Variants in MDH2 observed in about 807,000 individuals in gnomAD.
MDH2 encodes the protein malate dehydrogenase 2.
In MDH2, 25 loss-of-function variants were observed where a neutral mutation model predicts 33.6. The ratio of observed to expected loss-of-function variants is 0.74; its 90% CI spans 0.54 to 1.04. The LOEUF (loss-of-function observed/expected upper bound fraction) is 1.04, where lower values mean the gene tolerates loss of function less well. Among genes scored for constraint, MDH2 ranks in the 50% least tolerant of loss-of-function variants. The probability of loss-of-function intolerance (pLI) is 0.00; values close to 1 mark genes in which losing one functional copy is unlikely to be tolerated. For synonymous variants in MDH2, 193 were observed against 188.7 expected, an observed-to-expected ratio of 1.02 and a Z score of -0.19; for missense variants, 432 against 445.0, an observed-to-expected ratio of 0.97 and a Z score of 0.26.
At chr7:76,054,732 G>A in intron 1 of MDH2, 98 bp from the exon 2 acceptor site, 1 of 1,352,888 alleles carries the variant, frequency 7.4e-7, no homozygotes, top group South Asian at 1.2e-5. Context: ...TTTGGCAACT[G>A]CAGTAAAAAG....
intron 4 of MDH2, among the ~76,000 whole-genome samples, chr7:76,058,857 G>A (rs1054791242): frequency 2.0e-5 from 3 of 152,234 alleles, no homozygotes; most frequent in Non-Finnish European, 4.4e-5. Context: ...ACTCAGGCAG[G>A]TGGTGTAGAC....
Position 76,058,752 on chromosome 7 carries a change from G to A in MDH2, c.429+674G>A, listed in dbSNP as rs191240614. 1.9e-4 allele frequency among the ~76,000 whole-genome samples: 29 copies of A among 152,230 alleles called. No individual in the cohort carries two copies. The South Asian group carries it at 3.7e-3, about 20-fold the overall frequency. ...AAATTGCCAGCATCACTACTCTTGC[G>A]CTTTGGGGCCATTGTAAAGTAAAAT... On this transcript the variant is annotated intron_variant, in intron 4 of 8. Coordinates refer to ENST00000315758, the MANE Select transcript of MDH2 (RefSeq NM_005918.4).
At chr7:76,061,083 C>T (rs1000734070) in intron 5 of MDH2, among the ~76,000 whole-genome samples, 2 of 152,088 alleles carry the variant, frequency 1.3e-5, no homozygotes, top group Non-Finnish European at 2.9e-5. Flanking sequence ...GGCTTGAGCT[C>T]GGCTTGGTTT....
chr7:76,055,595 G>A (rs1554586153), intron 2 of MDH2, among the ~76,000 whole-genome samples: 1 of 151,696 alleles, frequency 6.6e-6, no homozygotes, highest in Admixed American at 6.6e-5. Context: ...AAATTAGCTG[G>A]GCGTGATAGT....
intron 1 of MDH2, chr7:76,049,159 G>GA (rs1235149173): frequency 2.1e-6 from 2 of 946,830 alleles, no homozygotes; most frequent in African/African-American, 3.6e-5. Context: ...CAGTTCATTT[G>GA]AAAAATAAAT....
chr7:76,048,712 T>G, intron 1 of MDH2: 2 of 1,237,462 alleles, frequency 1.6e-6, no homozygotes, highest in African/African-American at 1.5e-5. Flanking sequence ...TTACAGTCAT[T>G]TGGCCAGAGG....
Position 76,060,416 on chromosome 7 carries a change from A to G in MDH2, c.473A>G (p.His158Arg), listed in dbSNP as rs1797912410. Reference sequence around the variant, plus strand: ...ATCACAGCAGAAGTTTTCAAGAAGCATGGAGTGTACAACCCCAACAAAATC... The same window carrying G: ...ATCACAGCAGAAGTTTTCAAGAAGCGTGGAGTGTACAACCCCAACAAAATC... ...IPITAEVFKK[H>R]GVYNPNKIFG... The change falls in exon 5 of 9, where the codon CAT becomes CGT. Residue 158 changes from histidine (H) to arginine (R), a missense_variant. Coordinates refer to ENST00000315758, the MANE Select transcript of MDH2 (RefSeq NM_005918.4). The G allele has an allele frequency of 1.2e-6, 2 of 1,614,164 alleles. No individual in the cohort carries two copies. Among genetic ancestry groups the G allele is most frequent in the South Asian group, 1.1e-5 (1 of 91,084 alleles).
intron 5 of MDH2, among the ~76,000 whole-genome samples, chr7:76,061,815 C>T (rs1554587063): frequency 6.6e-6 from 1 of 152,154 alleles, no homozygotes; most frequent in African/African-American, 2.4e-5. Context: ...CGTGGGCTCT[C>T]AGGGCTGGGC....
rs1554587280 is a variant in MDH2 at position 76,063,454 on chromosome 7, G to A, written c.556-61G>A. 3.3e-6 allele frequency: 5 copies of A among 1,529,848 alleles called. No individual in the cohort carries two copies. In the East Asian group the frequency reaches 6.8e-5, roughly 21 times the overall value. 94.8% of individuals were successfully genotyped at this position (1,529,848 alleles called of 1,614,324 possible). On this transcript the variant is annotated intron_variant, in intron 5 of 8. Coordinates refer to ENST00000315758, the MANE Select transcript of MDH2 (RefSeq NM_005918.4). ...TCCAGTGTTGGGGCTGTGGGCAGCT[G>A]TGACATGTTTTACAGTGAAAGAGCT... is the stretch of plus-strand genomic sequence containing the variant.
intron 1 of MDH2, chr7:76,049,159 G>A: frequency 1.1e-6 from 1 of 946,942 alleles, no homozygotes; most frequent in Non-Finnish European, 1.3e-6. Context: ...CAGTTCATTT[G>A]AAAAATAAAT....
rs961791056 is a variant in MDH2, at chr7:76,048,113, C to T, written c.-48C>T. 1.7e-5 allele frequency: 26 copies of T among 1,536,364 alleles called. No individual in the cohort carries two copies. The highest frequency in any genetic ancestry group is 2.2e-5 in the Non-Finnish European group (25 of 1,146,668). Reference sequence around the variant, plus strand: ...GTGGAGGTCGTTGGAGTCACTTCCCCGTCACCAGCTCCTGTGCCTGCCAGT... The same window carrying T: ...GTGGAGGTCGTTGGAGTCACTTCCCTGTCACCAGCTCCTGTGCCTGCCAGT... On this transcript the variant is annotated 5_prime_UTR_variant, in exon 1 of 9. Coordinates refer to ENST00000315758, the MANE Select transcript of MDH2 (RefSeq NM_005918.4).
chr7:76,065,227 A>G (rs1798063794), intron 8 of MDH2: 1 of 326,306 alleles, frequency 3.1e-6, no homozygotes, highest in Non-Finnish European at 5.6e-6. Context: ...AAGACACTCC[A>G]TCTCCAGGCA....
At chr7:76,064,654 C>A in intron 7 of MDH2, 148 bp from the exon 8 acceptor site, 1 of 986,626 alleles carries the variant, frequency 1.0e-6, no homozygotes, top group Non-Finnish European at 1.5e-6. Flanking sequence ...CTACACCATT[C>A]ATGTATAAGT....
At chr7:76,065,036 C>G in intron 8 of MDH2, 83 bp downstream of exon 8, 1 of 1,516,008 alleles carries the variant, frequency 6.6e-7, no homozygotes, top group Non-Finnish European at 9.1e-7. Context: ...CTCCCTGGCC[C>G]TTTATGCAGT....
At chr7:76,053,290 T>C (rs1391513258) in intron 1 of MDH2, among the ~76,000 whole-genome samples, 3 of 152,114 alleles carry the variant, frequency 2.0e-5, no homozygotes, top group Admixed American at 6.5e-5. Context: ...GTGGAACCCA[T>C]GGAACGCCTA....
At chr7:76,053,168 A>G (rs1389065970) in intron 1 of MDH2, among the ~76,000 whole-genome samples, 2 of 152,150 alleles carry the variant, frequency 1.3e-5, no homozygotes, top group African/African-American at 4.8e-5. Context: ...GATGTCTCTG[A>G]TAAGAAGGAG....
intron 6 of MDH2, among the ~76,000 whole-genome samples, chr7:76,063,892 T>C (rs1554587371): frequency 6.6e-6 from 1 of 152,122 alleles, no homozygotes; most frequent in African/African-American, 2.4e-5. Context: ...AGTCCAGGGC[T>C]GGACACAGTG....
chr7:76,051,954 T>A (rs1554585510), intron 1 of MDH2, among the ~76,000 whole-genome samples: 1 of 152,130 alleles, frequency 6.6e-6, no homozygotes, highest in Non-Finnish European at 1.5e-5. Context: ...ATGTAAAGAT[T>A]ATACTACTTA....
At position 76,048,241 on chromosome 7, in the gene MDH2, G is replaced by A. The variant is rs1410019858; in HGVS notation, c.66+15G>A. 1.3e-6 allele frequency: 2 copies of A among 1,531,562 alleles called. No individual in the cohort carries two copies. The highest frequency in any genetic ancestry group is 4.9e-5 in the East Asian group (2 of 40,736). The allele number at this position is 1,531,562 out of a possible 1,614,324, so 94.9% of individuals were successfully genotyped here. A position where few individuals can be genotyped will look rare whatever the true frequency, so the allele number is the denominator to read the frequency against. On this transcript the variant is annotated intron_variant, in intron 1 of 8. Coordinates refer to ENST00000315758, the MANE Select transcript of MDH2 (RefSeq NM_005918.4). ...CCTCGGCCCAGGTAGGCCAGACGAGGGGCGGCCTGCAGGCGGAGGCCCCCC... is the reference window on the plus strand; with the variant it reads ...CCTCGGCCCAGGTAGGCCAGACGAGAGGCGGCCTGCAGGCGGAGGCCCCCC...
Sources: allele counts gnomAD v4.1 joint callset (sites outside exome capture counted in the v4.1 genomes callset), GRCh38; gene constraint gnomAD v4.1.1; transcripts MANE v1.5; gene names NCBI Gene and HGNC (gene_info 2026-07-23, HGNC 2026-07-21).